The following EPHA5 variants were observed in gnomAD, a reference collection of about 807,000 sequenced individuals.
EPHA5 encodes EPH receptor A5.
EPHA5 carries 60 observed loss-of-function variants against 105.0 expected under a neutral mutation model. The ratio of observed to expected loss-of-function variants is 0.57; its 90% CI spans 0.46 to 0.71. The LOEUF (loss-of-function observed/expected upper bound fraction) is 0.71. Among genes scored for constraint, EPHA5 ranks in the 30% least tolerant of loss-of-function variants. The probability of loss-of-function intolerance (pLI) is 0.00; values close to 1 mark genes in which losing one functional copy is unlikely to be tolerated. For missense variants in EPHA5, 1,218 were observed against 1,274.7 expected (o/e 0.96, Z 0.68); for synonymous variants, 513 against 449.1 (o/e 1.14, Z -1.80).
intron 3 of EPHA5, among the ~76,000 whole-genome samples, chr4:65,495,862 T>C (rs943705785): frequency 8.5e-5 from 13 of 152,206 alleles, no homozygotes; most frequent in African/African-American, 3.1e-4. Context: ...GTGCTTTGTG[T>C]ATAGTTTTCA....
At chr4:65,375,495 A>G (rs1718906043) in intron 8 of EPHA5, among the ~76,000 whole-genome samples, 1 of 151,924 alleles carries the variant, frequency 6.6e-6, no homozygotes, top group Admixed American at 6.6e-5. Flanking sequence ...CCAAAAGTAC[A>G]GTAGAAAAAG....
In EPHA5 at chr4:65,320,686, A is replaced by G. The variant is rs1362609926; in HGVS notation, c.*3428T>C. 4.3e-6 allele frequency: 1 copy of G among 229,956 alleles called. No individual in the cohort carries two copies. The highest frequency in any genetic ancestry group is 8.6e-6 in the Non-Finnish European group (1 of 115,986). The allele number at this position is 229,956 out of a possible 1,614,324, so 14.2% of individuals were successfully genotyped here. A position where few individuals can be genotyped will look rare whatever the true frequency, so the allele number is the denominator to read the frequency against. ...TTCACATACAGATTAAGTAGAAGACATGAAAACACATAAGTGCTCAAATGA... is the reference window on the plus strand; with the variant it reads ...TTCACATACAGATTAAGTAGAAGACGTGAAAACACATAAGTGCTCAAATGA... On this transcript the variant is annotated 3_prime_UTR_variant, in exon 17 of 17. Transcript: ENST00000613740.
chr4:65,597,128 A>G (rs1743271204), intron 3 of EPHA5, among the ~76,000 whole-genome samples: 1 of 152,020 alleles, frequency 6.6e-6, no homozygotes, highest in Non-Finnish European at 1.5e-5. Context: ...TTGACGTGTA[A>G]CCCTCCTTAT....
intron 3 of EPHA5, among the ~76,000 whole-genome samples, chr4:65,550,788 A>T (rs1737822696): frequency 6.6e-6 from 1 of 152,188 alleles, no homozygotes. Context: ...GTGAGCCAAC[A>T]GCATGCCACT....
intron 3 of EPHA5, among the ~76,000 whole-genome samples, chr4:65,596,394 C>A (rs903856044): frequency 6.6e-6 from 1 of 151,988 alleles, no homozygotes; most frequent in African/African-American, 2.4e-5. Context: ...ACAACATCCC[C>A]CTTCCCACCA....
chr4:65,331,215 T>C, intron 16 of EPHA5: 1 of 1,031,018 alleles, frequency 9.7e-7, no homozygotes, highest in Non-Finnish European at 1.2e-6. Flanking sequence ...GTAATCTAGA[T>C]GGAACCACCA....
rs77989903 is a variant in EPHA5, at chr4:65,419,656, A to C, written c.1527+785T>G. 8.5e-5 allele frequency among the ~76,000 whole-genome samples: 13 copies of C among 152,266 alleles called. No homozygotes were observed. In the East Asian group the frequency reaches 2.5e-3, roughly 29 times the overall value. On this transcript the variant is annotated intron_variant, in intron 6 of 16. Transcript: ENST00000613740. The stretch of plus-strand genomic sequence containing the variant: ...ATGCCATTCAGGTCCAGCCAGTAGA[A>C]AAATCACAGATGAATGGGGCGGGAG...
chr4:65,482,795 C>A (rs1730502585), intron 5 of EPHA5, among the ~76,000 whole-genome samples: 1 of 151,994 alleles, frequency 6.6e-6, no homozygotes, highest in Non-Finnish European at 1.5e-5. Context: ...GTTAGTATTG[C>A]ACATCTTCTA....
At chr4:65,430,590 C>A (rs991846777) in intron 5 of EPHA5, among the ~76,000 whole-genome samples, 1 of 152,050 alleles carries the variant, frequency 6.6e-6, no homozygotes, top group African/African-American at 2.4e-5. Flanking sequence ...TTAACTCATT[C>A]ATCCTTCCTA....
In EPHA5 at chr4:65,344,324, T is replaced by C. The variant is rs551099603; in HGVS notation, c.2595+3730A>G. On this transcript the variant is annotated intron_variant, in intron 14 of 16. Transcript: ENST00000613740. ...GTGGAGGAGAGCCAAGGCATACTAATACAGACCCACTGGCCCTCAGGAACA... is the reference window on the plus strand; with the variant it reads ...GTGGAGGAGAGCCAAGGCATACTAACACAGACCCACTGGCCCTCAGGAACA... 9.9e-5 allele frequency among the ~76,000 whole-genome samples: 15 copies of C among 152,222 alleles called. No homozygotes were observed. In the East Asian group the frequency reaches 1.4e-3, roughly 14 times the overall value.
At chr4:65,466,078 G>A (rs1030588688) in intron 5 of EPHA5, among the ~76,000 whole-genome samples, 2 of 152,232 alleles carry the variant, frequency 1.3e-5, no homozygotes, top group Non-Finnish European at 2.9e-5. Context: ...CGTTAAATGG[G>A]ATAGGAAAGG....
At chr4:65,610,027 A>T (rs1010737083) in intron 2 of EPHA5, among the ~76,000 whole-genome samples, 1 of 152,164 alleles carries the variant, frequency 6.6e-6, no homozygotes, top group African/African-American at 2.4e-5. Flanking sequence ...TCAAAAAGAC[A>T]TATGAACTCA....
chr4:65,612,607 A>C (rs1242774512), intron 2 of EPHA5, among the ~76,000 whole-genome samples: 3 of 152,178 alleles, frequency 2.0e-5, no homozygotes, highest in African/African-American at 7.2e-5. Context: ...TATCTCTGCT[A>C]TTGGGAATAG....
At chr4:65,402,578 G>C (rs1721953295) in intron 8 of EPHA5, among the ~76,000 whole-genome samples, 1 of 152,066 alleles carries the variant, frequency 6.6e-6, no homozygotes, top group East Asian at 1.9e-4. Flanking sequence ...TCTAGACCTT[G>C]GTTCTTTTTT....
chr4:65,426,492 G>T (rs2149050985), intron 5 of EPHA5, among the ~76,000 whole-genome samples: 1 of 151,908 alleles, frequency 6.6e-6, no homozygotes, highest in East Asian at 1.9e-4. Flanking sequence ...TTCTTTACTT[G>T]TGTATTGTCT....
At chr4:65,401,731 T>C (rs1375592573) in intron 8 of EPHA5, among the ~76,000 whole-genome samples, 1 of 152,144 alleles carries the variant, frequency 6.6e-6, no homozygotes, top group African/African-American at 2.4e-5. Context: ...AATTACACTT[T>C]CATTAGACAA....
intron 8 of EPHA5, among the ~76,000 whole-genome samples, chr4:65,389,451 T>G (rs28447587): frequency 6.6e-6 from 1 of 152,016 alleles, no homozygotes; most frequent in Middle Eastern, 3.2e-3. Context: ...TGTGTAATAT[T>G]TCTCCATATT....
At chr4:65,519,275 A>G (rs190165996) in intron 3 of EPHA5, among the ~76,000 whole-genome samples, 2 of 152,254 alleles carry the variant, frequency 1.3e-5, no homozygotes, top group East Asian at 3.9e-4. Flanking sequence ...AAAGACAAAA[A>G]CCACATGATT....
At chr4:65,453,674 TC>T (rs1319297430) in intron 5 of EPHA5, among the ~76,000 whole-genome samples, 1 of 151,852 alleles carries the variant, frequency 6.6e-6, no homozygotes. Context: ...CCGCACATGC[TC>T]CCCCGACCAG....
Sources: allele counts gnomAD v4.1 joint callset (sites outside exome capture counted in the v4.1 genomes callset), GRCh38; gene constraint gnomAD v4.1.1; transcripts MANE v1.5; gene names NCBI Gene and HGNC (gene_info 2026-07-23, HGNC 2026-07-21).